ADCY1: variants seen among roughly 807,000 people sequenced by gnomAD.
ADCY1 encodes adenylate cyclase 1, also known as adenylate cyclase type 1.
A neutral mutation model predicts 105.4 loss-of-function variants in ADCY1; 28 were observed. The observed-to-expected ratio is 0.27, with a 90% confidence interval of 0.20 to 0.36. The LOEUF is 0.36. Ranked by LOEUF, ADCY1 falls within the 10% of genes least tolerant of loss-of-function variation. The pLI, the probability that ADCY1 is intolerant of heterozygous loss-of-function variation, is 1.00. For synonymous variants in ADCY1, 655 were observed against 623.8 expected (o/e 1.05, Z -0.75); for missense variants, 977 against 1,434.2 (o/e 0.68, Z 5.15).
At chr7:45,664,287 AGG>A in intron 8 of ADCY1, 1 of 1,536,122 alleles carries the variant, frequency 6.5e-7, no homozygotes, top group African/African-American at 1.4e-5. Flanking sequence ...CCTCTCCTGT[AGG>A]TTCAGATCCA....
At chr7:45,599,055 T>A (rs1287557584) in intron 2 of ADCY1, among the ~76,000 whole-genome samples, 1 of 152,158 alleles carries the variant, frequency 6.6e-6, no homozygotes, top group African/African-American at 2.4e-5. Context: ...TGCTGCCTGG[T>A]CGGGGTGACA....
intron 2 of ADCY1, among the ~76,000 whole-genome samples, chr7:45,610,112 C>G (rs1024711472): frequency 2.6e-5 from 4 of 152,134 alleles, no homozygotes; most frequent in African/African-American, 9.7e-5. Flanking sequence ...AGCTGTAACC[C>G]TGCTGTACAC....
intron 5 of ADCY1, among the ~76,000 whole-genome samples, chr7:45,655,368 A>G (rs1260740556): frequency 6.6e-6 from 1 of 152,244 alleles, no homozygotes; most frequent in Non-Finnish European, 1.5e-5. Flanking sequence ...TGCATAAAAA[A>G]CACTTGTGAT....
At chr7:45,617,583 C>T (rs948721918) in intron 3 of ADCY1, among the ~76,000 whole-genome samples, 1 of 152,170 alleles carries the variant, frequency 6.6e-6, no homozygotes, top group Non-Finnish European at 1.5e-5. Context: ...GTACGAAAAT[C>T]AGTAGCATTC....
intron 7 of ADCY1, among the ~76,000 whole-genome samples, 167 bp from the exon 8 acceptor site, chr7:45,661,892 T>C (rs974912571): frequency 3.9e-5 from 6 of 152,060 alleles, no homozygotes; most frequent in African/African-American, 1.4e-4. Flanking sequence ...TTTTGTTTGC[T>C]GCTCTATTCT....
At chr7:45,698,164 T>TACAC (rs72397514) in intron 14 of ADCY1, among the ~76,000 whole-genome samples, 22,507 of 147,616 alleles carry the variant, frequency 0.15, 2,099 homozygotes, top group Non-Finnish European at 0.21. Context: ...CATACTCTCT[T>TACAC]ACACACACAC....
At position 45,575,609 on chromosome 7, in the gene ADCY1, TC is replaced by T. The variant is rs1173887556; in HGVS notation, c.639+431del. Among the ~76,000 whole-genome samples the T allele has an allele frequency of 2.6e-5, 4 of 152,234 alleles. No homozygotes were observed. Among genetic ancestry groups the T allele is most frequent in the Non-Finnish European group, 4.4e-5 (3 of 68,044 alleles). ...GGCTCTGCGCGCAGCGCTGGGCTCT[TC>T]CCCTGCGCACCTAGAGCGCGTGCTG... is the stretch of plus-strand genomic sequence containing the variant. On this transcript the variant is annotated intron_variant, in intron 1 of 19. Coordinates refer to ENST00000297323, the MANE Select transcript of ADCY1 (RefSeq NM_021116.4). This position sits in a 1 kb window ranked among gnomAD's most constrained non-coding sequence, Gnocchi z 4.7.
intron 14 of ADCY1, among the ~76,000 whole-genome samples, chr7:45,698,438 T>C (rs1784928467): frequency 6.6e-6 from 1 of 152,226 alleles, no homozygotes. Context: ...TAAAAAGGGC[T>C]TTTCATCTGT....
chr7:45,584,006 G>C (rs191984853), intron 1 of ADCY1, among the ~76,000 whole-genome samples: 1 of 142,334 alleles, frequency 7.0e-6, no homozygotes, highest in Admixed American at 7.4e-5. Context: ...GGAGTGCAGT[G>C]GCATTATCAT....
chr7:45,637,152 T>G (rs1410650411), intron 4 of ADCY1, among the ~76,000 whole-genome samples: 1 of 152,254 alleles, frequency 6.6e-6, no homozygotes, highest in Non-Finnish European at 1.5e-5. Flanking sequence ...ATTTTAACTT[T>G]TAGCAGTCTA....
rs1227420161 is a variant in ADCY1, at chr7:45,722,422, G to A, written c.*8427G>A. ...CTGCAGAGCATCCCTGGGAGCCAAG[G>A]CGAGGCCCGTGGAGCCTGAGCTTTG... On this transcript the variant is annotated 3_prime_UTR_variant, in exon 20 of 20. Transcript: ENST00000297323. The A allele has an allele frequency of 1.3e-5, 2 of 152,266 alleles. No individual in the cohort carries two copies. The highest frequency in any genetic ancestry group is 2.9e-5 in the Non-Finnish European group (2 of 68,080). 9.4% of individuals were successfully genotyped at this position (152,266 alleles called of 1,614,324 possible).
At chr7:45,664,552 A>G in intron 8 of ADCY1, 1 of 1,313,278 alleles carries the variant, frequency 7.6e-7, no homozygotes, top group Non-Finnish European at 9.9e-7. Context: ...CAAGGGAGAA[A>G]ATGAAAAGCA....
Position 45,631,670 on chromosome 7 carries a change from T to C in ADCY1, c.1020+8927T>C, listed in dbSNP as rs548150010. On this transcript the variant is annotated intron_variant, in intron 4 of 19. Coordinates refer to ENST00000297323, the MANE Select transcript of ADCY1 (RefSeq NM_021116.4). ...TGTTTAATAAGGTGAAAACACAACA[T>C]AGTGTATTCATAATTTTTGTGCGCA... 3.3e-5 allele frequency among the ~76,000 whole-genome samples: 5 copies of C among 152,336 alleles called. No individual in the cohort carries two copies. The East Asian group carries it at 7.7e-4, about 23-fold the overall frequency.
Position 45,613,790 on chromosome 7 carries a change from C to T in ADCY1, c.908+3293C>T, listed in dbSNP as rs576032549. Reference sequence around the variant, plus strand: ...ACAGAAAGGAAAAAGTGATTTGTCACATACAACAGAACCAGCGTAGGATAA... The same window carrying T: ...ACAGAAAGGAAAAAGTGATTTGTCATATACAACAGAACCAGCGTAGGATAA... On this transcript the variant is annotated intron_variant, in intron 3 of 19. Transcript: ENST00000297323. Among the ~76,000 whole-genome samples the T allele has an allele frequency of 2.0e-5, 3 of 152,252 alleles. 1 individual carries two copies. The South Asian group carries it at 6.2e-4, about 32-fold the overall frequency.
Position 45,600,502 on chromosome 7 carries a change from C to A in ADCY1, c.789+7594C>A, listed in dbSNP as rs552239543. ...AGTAAAGTGGCCCGTTGGGACAGCA[C>A]GTCAGTTAGAATCTGGTTTGGCTGC... On this transcript the variant is annotated intron_variant, in intron 2 of 19. Coordinates refer to ENST00000297323, the MANE Select transcript of ADCY1 (RefSeq NM_021116.4). 2.0e-5 allele frequency among the ~76,000 whole-genome samples: 3 copies of A among 152,318 alleles called. No homozygotes were observed. The South Asian group carries it at 6.2e-4, about 32-fold the overall frequency.
At chr7:45,700,102 C>T (rs1037948517) in intron 14 of ADCY1, among the ~76,000 whole-genome samples, 1 of 152,116 alleles carries the variant, frequency 6.6e-6, no homozygotes, top group Non-Finnish European at 1.5e-5. Flanking sequence ...GCATCCATTC[C>T]GGGGAGACTC....
intron 1 of ADCY1, among the ~76,000 whole-genome samples, chr7:45,589,386 G>A (rs1313601885): frequency 6.6e-6 from 1 of 152,180 alleles, no homozygotes; most frequent in Non-Finnish European, 1.5e-5. Flanking sequence ...TGGTGGGGAG[G>A]CCGCCTGTCC....
At chr7:45,684,417 G>T (rs978924870) in intron 11 of ADCY1, 2 of 152,254 alleles carry the variant, frequency 1.3e-5, no homozygotes, top group African/African-American at 4.8e-5. Context: ...TTTCTGTAAG[G>T]TCCCTGCGTA....
chr7:45,586,802 A>G (rs898093991), intron 1 of ADCY1, among the ~76,000 whole-genome samples: 12 of 152,220 alleles, frequency 7.9e-5, no homozygotes, highest in African/African-American at 2.7e-4. Context: ...CAGTCTGGGA[A>G]TTTACCAATG....
Sources: allele counts gnomAD v4.1 joint callset (sites outside exome capture counted in the v4.1 genomes callset), GRCh38; gene constraint gnomAD v4.1.1; non-coding constraint Gnocchi (gnomAD v3.1); transcripts MANE v1.5; gene names NCBI Gene and HGNC (gene_info 2026-07-23, HGNC 2026-07-21).